Variants in CNTNAP2 observed in about 807,000 individuals in gnomAD.
CNTNAP2 encodes contactin-associated protein-like 2.
CNTNAP2 carries 98 observed loss-of-function variants against 155.2 expected under a neutral mutation model. The observed-to-expected ratio is 0.63, with a 90% CI of 0.54 to 0.75. The LOEUF (loss-of-function observed/expected upper bound fraction) is 0.75, where lower values mean the gene tolerates loss of function less well. CNTNAP2 is among the 30% of genes least tolerant of loss of function. CNTNAP2 has a pLI of 0.00. For missense variants in CNTNAP2, 1,727 were observed against 1,688.1 expected, an observed-to-expected ratio of 1.02 and a Z score of -0.40; for synonymous variants, 651 against 631.2, an observed-to-expected ratio of 1.03 and a Z score of -0.47.
chr7:147,176,764 T>A (rs1399883014), intron 8 of CNTNAP2, among the ~76,000 whole-genome samples: 3 of 119,622 alleles, frequency 2.5e-5, no homozygotes, highest in African/African-American at 3.4e-5. Context: ...TAATTATAAT[T>A]ATATAGAATT....
intron 20 of CNTNAP2, among the ~76,000 whole-genome samples, chr7:148,232,267 C>T (rs1476203301): frequency 6.6e-6 from 1 of 152,228 alleles, no homozygotes; most frequent in East Asian, 1.9e-4. Context: ...CCATGCCCCA[C>T]TTTCTTTCAT....
At chr7:146,360,758 A>G (rs1795070381) in intron 1 of CNTNAP2, among the ~76,000 whole-genome samples, 1 of 152,144 alleles carries the variant, frequency 6.6e-6, no homozygotes, top group South Asian at 2.1e-4. Flanking sequence ...CTGTGTTTCG[A>G]CTGCAATAAT....
At chr7:147,478,879 T>C (rs1798369443) in intron 10 of CNTNAP2, among the ~76,000 whole-genome samples, 1 of 152,214 alleles carries the variant, frequency 6.6e-6, no homozygotes, top group African/African-American at 2.4e-5. Context: ...TTAATGACTT[T>C]GTTAGGATGC....
rs144570271 is a variant in CNTNAP2, at chr7:146,506,389, G to A, written c.98-267882G>A. Among the ~76,000 whole-genome samples the A allele has an allele frequency of 2.0e-5, 3 of 152,286 alleles. No homozygotes were observed. In the East Asian group the frequency reaches 5.8e-4, roughly 29 times the overall value. On this transcript the variant is annotated intron_variant, in intron 1 of 23. Transcript: ENST00000361727. ...GCAGACCTCCCAGATATCTTACATA[G>A]ACAAAGATAGACCATAGCACTTATT...
chr7:147,626,234 T>C (rs1002974764), intron 12 of CNTNAP2, among the ~76,000 whole-genome samples: 1 of 151,994 alleles, frequency 6.6e-6, no homozygotes, highest in African/African-American at 2.4e-5. Flanking sequence ...AGTGGGCAGA[T>C]GCAAAGGAGC....
At chr7:146,198,978 A>G (rs949189416) in intron 1 of CNTNAP2, among the ~76,000 whole-genome samples, 2 of 152,280 alleles carry the variant, frequency 1.3e-5, no homozygotes, top group Admixed American at 6.5e-5. Flanking sequence ...CTCTGTATTC[A>G]TTTAGTCAAC....
intron 1 of CNTNAP2, among the ~76,000 whole-genome samples, chr7:146,634,983 A>G (rs757273313): frequency 6.6e-6 from 1 of 152,186 alleles, no homozygotes; most frequent in Non-Finnish European, 1.5e-5. Flanking sequence ...GTTTACTGGT[A>G]AAGCTACTGT....
At chr7:147,911,290 T>C (rs182593134) in intron 14 of CNTNAP2, among the ~76,000 whole-genome samples, 5 of 152,314 alleles carry the variant, frequency 3.3e-5, no homozygotes, top group Admixed American at 6.5e-5. Context: ...TTCACTTACA[T>C]AGGCAGAAAT....
intron 9 of CNTNAP2, among the ~76,000 whole-genome samples, chr7:147,380,755 T>C (rs1183670785): frequency 6.6e-6 from 1 of 152,120 alleles, no homozygotes; most frequent in Non-Finnish European, 1.5e-5. Context: ...TATAGAAGCA[T>C]TCCAAAGCTA....
chr7:147,234,353 T>TTTAA (rs990837220), intron 8 of CNTNAP2, among the ~76,000 whole-genome samples: 1 of 149,056 alleles, frequency 6.7e-6, no homozygotes, highest in African/African-American at 2.5e-5. Context: ...TTTTTTTTTT[T>TTTAA]TTGAGAAGAA....
chr7:146,996,326 A>G (rs1207926499), intron 3 of CNTNAP2, among the ~76,000 whole-genome samples: 1 of 152,076 alleles, frequency 6.6e-6, no homozygotes, highest in African/African-American at 2.4e-5. Context: ...CATTTTAACA[A>G]TATTACTACT....
intron 3 of CNTNAP2, among the ~76,000 whole-genome samples, chr7:146,960,791 C>G (rs1797542517): frequency 6.6e-6 from 1 of 151,226 alleles, no homozygotes; most frequent in Non-Finnish European, 1.5e-5. Flanking sequence ...TTTTTTTTTC[C>G]TTTTAGAAAA....
chr7:147,124,154 C>T (rs909005015), intron 6 of CNTNAP2, among the ~76,000 whole-genome samples: 8 of 152,222 alleles, frequency 5.3e-5, no homozygotes, highest in Admixed American at 4.6e-4. Flanking sequence ...ACTCAAACCT[C>T]ACAGACTGCA....
intron 8 of CNTNAP2, among the ~76,000 whole-genome samples, chr7:147,220,246 T>C (rs2116591982): frequency 6.6e-6 from 1 of 152,320 alleles, no homozygotes; most frequent in Non-Finnish European, 1.5e-5. Flanking sequence ...ATTCCCAATA[T>C]ATTTTATTGC....
intron 21 of CNTNAP2, among the ~76,000 whole-genome samples, chr7:148,282,688 G>C (rs1242435046): frequency 6.6e-6 from 1 of 151,818 alleles, no homozygotes; most frequent in Admixed American, 6.6e-5. Context: ...AAAACCAATT[G>C]GTATCATCAT....
intron 13 of CNTNAP2, among the ~76,000 whole-genome samples, chr7:147,732,341 T>G (rs1796757429): frequency 6.6e-6 from 1 of 152,128 alleles, no homozygotes; most frequent in African/African-American, 2.4e-5. Context: ...TGCAGCTTCA[T>G]CCATGTCCCT....
chr7:147,182,846 A>G (rs537936035), intron 8 of CNTNAP2, among the ~76,000 whole-genome samples: 1 of 152,308 alleles, frequency 6.6e-6, no homozygotes, highest in Non-Finnish European at 1.5e-5. Flanking sequence ...GCATGTATTC[A>G]GTACACAAAG....
At chr7:148,176,211 C>CTTTTTTTT (rs1188113801) in intron 18 of CNTNAP2, among the ~76,000 whole-genome samples, 9 of 92,802 alleles carry the variant, frequency 9.7e-5, no homozygotes, top group African/African-American at 3.0e-4. Context: ...CTTTCTTTCT[C>CTTTTTTTT]TTTTTTTTTT....
intron 12 of CNTNAP2, among the ~76,000 whole-genome samples, chr7:147,604,834 C>G (rs1273238030): frequency 6.6e-6 from 1 of 152,168 alleles, no homozygotes; most frequent in Non-Finnish European, 1.5e-5. Flanking sequence ...ATGTGTGGCT[C>G]ACTCTGAGGC....
Sources: gnomAD v4.1 joint callset for allele counts (sites outside exome capture counted in the v4.1 genomes callset) on GRCh38, gnomAD v4.1.1 for gene constraint, MANE v1.5 for transcripts, NCBI Gene and HGNC (gene_info 2026-07-23, HGNC 2026-07-21) for gene names.